The following NAA11 variants were observed in gnomAD, a reference collection of about 807,000 sequenced individuals.
NAA11 encodes N-alpha-acetyltransferase 11, NatA catalytic subunit, also known as N-alpha-acetyltransferase 11.
A neutral mutation model predicts 16.1 loss-of-function variants in NAA11; 15 were observed. The observed-to-expected ratio is 0.93, with a 90% CI of 0.62 to 1.44. The LOEUF (loss-of-function observed/expected upper bound fraction) is 1.44. NAA11 is among the 40% of genes most tolerant of loss of function. The probability of loss-of-function intolerance (pLI) is 0.00; values close to 1 mark genes in which losing one functional copy is unlikely to be tolerated. For synonymous variants in NAA11, 122 were observed against 112.4 expected (o/e 1.09, Z -0.54); for missense variants, 298 against 291.3 (o/e 1.02, Z -0.17).
At chr4:79,276,281 A>G (rs1163640179) in intron 2 of NAA11, among the ~76,000 whole-genome samples, 1 of 152,162 alleles carries the variant, frequency 6.6e-6, no homozygotes, top group African/African-American at 2.4e-5. Context: ...ATAAAAGACA[A>G]TGGAGACTGA....
chr4:79,219,766 C>T, the NAA11 span, among the ~76,000 whole-genome samples: 1 of 152,064 alleles, frequency 6.6e-6, no homozygotes, highest in Non-Finnish European at 1.5e-5. Flanking sequence ...GGAAGTAAGT[C>T]ACATGTATCA....
the NAA11 span, among the ~76,000 whole-genome samples, chr4:79,186,161 A>G: frequency 6.6e-6 from 1 of 152,128 alleles, no homozygotes; most frequent in African/African-American, 2.4e-5. Flanking sequence ...CTACAAGCCC[A>G]CTCATTTTAA....
chr4:79,186,245 G>C, the NAA11 span, among the ~76,000 whole-genome samples: 2 of 152,156 alleles, frequency 1.3e-5, no homozygotes, highest in Admixed American at 6.5e-5. Flanking sequence ...CAAAATACCT[G>C]TTGAATTTGG....
the NAA11 span, among the ~76,000 whole-genome samples, chr4:79,177,079 G>T: frequency 1.3e-5 from 2 of 152,044 alleles, no homozygotes; most frequent in South Asian, 4.1e-4. Context: ...TTGTCTCACA[G>T]ATAGAAATAA....
Position 79,325,970 on chromosome 4 carries a change from T to C in NAA11, c.-93A>G. 1 of 1,109,622 alleles carries C rather than the reference T, an allele frequency of 9.0e-7. No individual in the cohort carries two copies. Among genetic ancestry groups the C allele is most frequent in the Non-Finnish European group, 1.3e-6 (1 of 776,016 alleles). The allele number at this position is 1,109,622 out of a possible 1,614,324, so 68.7% of individuals were successfully genotyped here. ...GGCACTGTTTGCCTCAGGAATCGAG[T>C]CCAGGGGGCTAACACCACCGGGCTG... On this transcript the variant is annotated 5_prime_UTR_variant, in exon 1 of 2. Transcript: ENST00000286794.
chr4:79,241,187 T>C (rs4305543), intron 2 of NAA11, among the ~76,000 whole-genome samples: 151,138 of 152,272 alleles, frequency 0.99, 75,014 homozygotes, highest in Middle Eastern at 1. Flanking sequence ...ATGAAGATGA[T>C]AAGGATGAAG....
At position 79,325,062 on chromosome 4, in the gene NAA11, T is replaced by TA. The variant is rs1212978228; in HGVS notation, c.*12+113dup. On this transcript the variant is annotated intron_variant, in intron 1 of 1. Coordinates refer to ENST00000286794, the MANE Select transcript of NAA11 (RefSeq NM_032693.3). ...CTCCCTAAGGTCACCAGGTGGTTTT[T>TA]ACCGTAAAATCTCGCAGGGCCAGAA... is the stretch of plus-strand genomic sequence containing the variant. The TA allele has an allele frequency of 4.2e-6, 4 of 943,306 alleles. No individual in the cohort carries two copies. In the East Asian group the frequency reaches 1.1e-4, roughly 25 times the overall value. The allele number at this position is 943,306 out of a possible 1,614,324, so 58.4% of individuals were successfully genotyped here.
At chr4:79,322,944 G>C (rs1724140104) in intron 1 of NAA11, among the ~76,000 whole-genome samples, 1 of 151,996 alleles carries the variant, frequency 6.6e-6, no homozygotes, top group Admixed American at 6.6e-5. Flanking sequence ...AAAATAAAAT[G>C]GGATTAGTGT....
intron 2 of NAA11, among the ~76,000 whole-genome samples, chr4:79,293,724 AT>A (rs1341349049): frequency 1.3e-5 from 2 of 152,186 alleles, no homozygotes; most frequent in African/African-American, 4.8e-5. Context: ...GAGAAATCGA[AT>A]GACCAACTGG....
At chr4:79,193,148 C>G in the NAA11 span, among the ~76,000 whole-genome samples, 1 of 152,074 alleles carries the variant, frequency 6.6e-6, no homozygotes, top group Non-Finnish European at 1.5e-5. Flanking sequence ...GAGTAGATTG[C>G]AAAAATTTTC....
the NAA11 span, among the ~76,000 whole-genome samples, chr4:79,207,604 GTTGT>G: frequency 5.3e-5 from 8 of 152,036 alleles, no homozygotes; most frequent in African/African-American, 1.7e-4. Context: ...ATAAATTTCT[GTTGT>G]TTAAGTGAAA....
At chr4:79,166,684 A>G in the NAA11 span, among the ~76,000 whole-genome samples, 1 of 146,398 alleles carries the variant, frequency 6.8e-6, no homozygotes, top group Non-Finnish European at 1.5e-5. Flanking sequence ...CCTGCCTAAC[A>G]TGGTGAAACC....
intron 2 of NAA11, among the ~76,000 whole-genome samples, chr4:79,250,864 A>T (rs1721978729): frequency 6.6e-6 from 1 of 152,244 alleles, no homozygotes; most frequent in Non-Finnish European, 1.5e-5. Context: ...CAAGCATATG[A>T]AGAAATATTC....
the NAA11 span, among the ~76,000 whole-genome samples, chr4:79,213,368 G>T: frequency 1.3e-4 from 20 of 152,026 alleles, no homozygotes; most frequent in African/African-American, 4.8e-4. Context: ...TTTCTTTAGG[G>T]ATTCTGATAA....
At chr4:79,199,682 G>A in the NAA11 span, among the ~76,000 whole-genome samples, 1 of 151,768 alleles carries the variant, frequency 6.6e-6, no homozygotes, top group Non-Finnish European at 1.5e-5. Flanking sequence ...CAAGAAATAA[G>A]AGCATACAAA....
At chr4:79,315,364 CATT>C (rs2110013540), downstream of NAA11, among the ~76,000 whole-genome samples, 1 of 152,240 alleles carries the variant, frequency 6.6e-6, no homozygotes, top group Admixed American at 6.5e-5. Context: ...ATCCACACCC[CATT>C]ATTTTTATTT....
chr4:79,180,794 G>A, the NAA11 span, among the ~76,000 whole-genome samples: 5,421 of 152,108 alleles, frequency 0.036, 269 homozygotes, highest in African/African-American at 0.11. Context: ...TGTTTACTGC[G>A]GCACTATTCA....
chr4:79,182,234 A>G, the NAA11 span, among the ~76,000 whole-genome samples: 1 of 152,232 alleles, frequency 6.6e-6, no homozygotes, highest in African/African-American at 2.4e-5. Context: ...AATCAGAATA[A>G]TAGCATAAAT....
At chr4:79,163,781 A>T in the NAA11 span, among the ~76,000 whole-genome samples, 1 of 152,216 alleles carries the variant, frequency 6.6e-6, no homozygotes, top group Non-Finnish European at 1.5e-5. Flanking sequence ...CCTGTAGCAC[A>T]TTCTGTCAGG....
Sources: gnomAD v4.1 joint callset for allele counts (sites outside exome capture counted in the v4.1 genomes callset) on GRCh38, gnomAD v4.1.1 for gene constraint, MANE v1.5 for transcripts, NCBI Gene and HGNC (gene_info 2026-07-23, HGNC 2026-07-21) for gene names.